The following ZBTB8A variants were observed in gnomAD, a reference collection of about 807,000 sequenced individuals.
ZBTB8A encodes zinc finger and BTB domain-containing protein 8A.
In ZBTB8A, 19 loss-of-function variants were observed where a neutral mutation model predicts 37.8. The observed-to-expected ratio is 0.50, with a 90% CI of 0.35 to 0.74. The LOEUF is 0.74. Among genes scored for constraint, ZBTB8A ranks in the 30% least tolerant of loss-of-function variants. The pLI, the probability that ZBTB8A is intolerant of heterozygous loss-of-function variation, is 0.01. For synonymous variants in ZBTB8A, 181 were observed against 185.2 expected, an observed-to-expected ratio of 0.98 and a Z score of 0.19; for missense variants, 394 against 537.8, an observed-to-expected ratio of 0.73 and a Z score of 2.65.
rs142361188 is a variant in ZBTB8A at position 32,549,136 on chromosome 1, C to T, written c.-83-4323C>T. On this transcript the variant is annotated intron_variant, in intron 1 of 4. Transcript: ENST00000373510. Reference sequence around the variant, plus strand: ...CCGGGAGGCAGAGGTTGCCATGAGCCGAGATCACGTCACTGCACTGCAACC... The same window carrying T: ...CCGGGAGGCAGAGGTTGCCATGAGCTGAGATCACGTCACTGCACTGCAACC... Among the ~76,000 whole-genome samples the T allele has an allele frequency of 8.5e-5, 13 of 152,134 alleles. No homozygotes were observed. In the East Asian group the frequency reaches 2.5e-3, roughly 29 times the overall value.
Position 32,572,814 on chromosome 1 carries a change from A to G in ZBTB8A, c.-2+19274A>G, listed in dbSNP as rs76123409. On this transcript the variant is annotated intron_variant, in intron 2 of 4. Coordinates refer to ENST00000373510, the MANE Select transcript of ZBTB8A (RefSeq NM_001040441.3). ...TCTTTTTATTCTTTCAATGTTTGTA[A>G]AATCTGTAGTGATGCTTCCCTCTTT... 5.0e-3 allele frequency among the ~76,000 whole-genome samples: 766 copies of G among 151,908 alleles called. 10 individuals carry two copies. Among genetic ancestry groups the G allele is most frequent in the East Asian group, 0.043 (224 of 5,186 alleles).
chr1:32,568,796 G>A (rs1644303934), intron 2 of ZBTB8A, among the ~76,000 whole-genome samples: 1 of 152,158 alleles, frequency 6.6e-6, no homozygotes. Context: ...ATCACTGCTT[G>A]TATCAGAAGT....
chr1:32,547,505 G>A (rs1268392357), intron 1 of ZBTB8A, among the ~76,000 whole-genome samples: 13 of 150,412 alleles, frequency 8.6e-5, no homozygotes, highest in African/African-American at 1.2e-4. Flanking sequence ...CTACAGGTTC[G>A]AGCCACTGTA....
chr1:32,564,547 C>G (rs1644265399), intron 2 of ZBTB8A, among the ~76,000 whole-genome samples: 1 of 152,134 alleles, frequency 6.6e-6, no homozygotes, highest in Admixed American at 6.6e-5. Context: ...TATAAATTCT[C>G]TATCCTCAGC....
At position 32,593,006 on chromosome 1, in the gene ZBTB8A, C is replaced by T; in HGVS notation, c.75C>T (p.Asp25=). The T allele has an allele frequency of 6.2e-7, 1 of 1,614,216 alleles. No individual in the cohort carries two copies. The highest frequency in any genetic ancestry group is 8.5e-7 in the Non-Finnish European group (1 of 1,180,048). ...AGCGCAGGCAAGATGTATTTTGTGA[C>T]TGCAGTATTCTAGTTGAAGGGAAGG... ...NEQRRQDVFC[D]CSILVEGKVF... is the part of the protein sequence containing the mutation. The change falls in exon 3 of 5, where the codon GAC becomes GAT. Residue 25 remains aspartate (D), a synonymous_variant. Coordinates refer to ENST00000373510, the MANE Select transcript of ZBTB8A (RefSeq NM_001040441.3).
At chr1:32,595,774 T>G (rs1239705342) in intron 4 of ZBTB8A, among the ~76,000 whole-genome samples, 1 of 151,882 alleles carries the variant, frequency 6.6e-6, no homozygotes, top group African/African-American at 2.4e-5. Context: ...CTCAGCCTCC[T>G]GAGTAGCTGG....
intron 2 of ZBTB8A, among the ~76,000 whole-genome samples, chr1:32,567,824 CA>C (rs377502273): frequency 0.27 from 11,088 of 41,314 alleles, 2,775 homozygotes; most frequent in African/African-American, 0.39. Flanking sequence ...AAAAAAAAAA[CA>C]AAAACAAAAC....
At chr1:32,558,460 C>A (rs1028354862) in intron 2 of ZBTB8A, among the ~76,000 whole-genome samples, 1 of 151,994 alleles carries the variant, frequency 6.6e-6, no homozygotes, top group African/African-American at 2.4e-5. Flanking sequence ...CACACACACA[C>A]ACACACACAC....
intron 2 of ZBTB8A, among the ~76,000 whole-genome samples, chr1:32,557,498 AGGCTAAAG>A (rs940896351): frequency 6.6e-6 from 1 of 152,144 alleles, no homozygotes; most frequent in African/African-American, 2.4e-5. Flanking sequence ...TCTGTCCCTG[AGGCTAAAG>A]GGCTAAAGGG....
At chr1:32,547,478 C>T (rs910008244) in intron 1 of ZBTB8A, among the ~76,000 whole-genome samples, 1 of 150,992 alleles carries the variant, frequency 6.6e-6, no homozygotes, top group Admixed American at 6.6e-5. Flanking sequence ...CTGCCTTAGC[C>T]TCCTGAGTAG....
At position 32,553,810 on chromosome 1, in the gene ZBTB8A, C is replaced by T. The variant is rs111371248; in HGVS notation, c.-2+270C>T. Among the ~76,000 whole-genome samples, 1,137 of 150,116 alleles carry T rather than the reference C, an allele frequency of 7.6e-3. 6 individuals carry two copies. The highest frequency in any genetic ancestry group is 0.011 in the Non-Finnish European group (765 of 67,772). The stretch of plus-strand genomic sequence containing the variant: ...CTGAGGCAGGAGAATTGCTTGAACC[C>T]GGGAGGTGGAGGTTGCGGTGAACCA... On this transcript the variant is annotated intron_variant, in intron 2 of 4. Coordinates refer to ENST00000373510, the MANE Select transcript of ZBTB8A (RefSeq NM_001040441.3).
rs1194114454 is a variant in ZBTB8A, at chr1:32,605,184, T to A, written c.*4765T>A. The stretch of plus-strand genomic sequence containing the variant: ...AAAAAAAAAAAAAGATGTGTTTAAC[T>A]GGGAAGGGTGATAATAATAGAATAA... On this transcript the variant is annotated 3_prime_UTR_variant, in exon 5 of 5. Transcript: ENST00000373510. 6.8e-6 allele frequency: 1 copy of A among 146,500 alleles called. No homozygotes were observed. The highest frequency in any genetic ancestry group is 2.0e-4 in the East Asian group (1 of 5,002). 9.1% of individuals were successfully genotyped at this position (146,500 alleles called of 1,614,324 possible). A position where few individuals can be genotyped will look rare whatever the true frequency, so the allele number is the denominator to read the frequency against.
rs1432794076 is a variant in ZBTB8A, at chr1:32,593,698, C to A, written c.767C>A (p.Thr256Asn). 4.3e-6 allele frequency: 7 copies of A among 1,614,116 alleles called. No homozygotes were observed. Among genetic ancestry groups the A allele is most frequent in the Non-Finnish European group, 5.9e-6 (7 of 1,180,010 alleles). The change falls in exon 3 of 5, where the codon ACT (threonine) becomes AAT (asparagine). Residue 256 changes from threonine (T) to asparagine (N), a missense_variant. Physicochemically the swap from Thr to Asn is moderately conservative, Grantham distance 65. This residue lies in a region of ZBTB8A where 171 missense variants were observed against 186.8 expected (regional missense o/e 0.92). Coordinates refer to ENST00000373510, the MANE Select transcript of ZBTB8A (RefSeq NM_001040441.3). The stretch of plus-strand genomic sequence containing the variant: ...CAGATTGATGCTGAAATGGACTCTA[C>A]TCCTGTTGGCTATCAGTACGGTCAA... ...QAQIDAEMDS[T>N]PVGYQYGQGS...
At chr1:32,567,825 A>AAAAAAACAAACAAAAAC (rs1644294123) in intron 2 of ZBTB8A, among the ~76,000 whole-genome samples, 1 of 63,676 alleles carries the variant, frequency 1.6e-5, no homozygotes, top group Non-Finnish European at 2.7e-5. Context: ...AAAAAAAAAC[A>AAAAAAACAAACAAAAAC]AAAACAAAAC....
At chr1:32,550,974 A>T (rs1278006572) in intron 1 of ZBTB8A, among the ~76,000 whole-genome samples, 1 of 151,444 alleles carries the variant, frequency 6.6e-6, no homozygotes, top group Non-Finnish European at 1.5e-5. Context: ...AAAAAAAAAA[A>T]GCCACAAATT....
At chr1:32,539,736 GGGA>G (rs1356227465) in intron 1 of ZBTB8A, among the ~76,000 whole-genome samples, 164 bp downstream of exon 1, 160 of 832 alleles carry the variant, frequency 0.19, 3 homozygotes, top group Middle Eastern at 0.25. Context: ...GGAGCGCGGC[GGGA>G]GGCGCCCGGG....
chr1:32,572,231 T>C (rs1053449756), intron 2 of ZBTB8A, among the ~76,000 whole-genome samples: 6 of 152,166 alleles, frequency 3.9e-5, no homozygotes, highest in Admixed American at 3.3e-4. Context: ...AGATGAGTAT[T>C]ATGTCTTTCT....
intron 1 of ZBTB8A, among the ~76,000 whole-genome samples, chr1:32,550,864 G>A (rs939006372): frequency 3.3e-5 from 5 of 149,590 alleles, no homozygotes; most frequent in African/African-American, 1.2e-4. Flanking sequence ...GGCTGAGGCA[G>A]GAGAATCGCT....
intron 1 of ZBTB8A, among the ~76,000 whole-genome samples, chr1:32,548,399 A>G (rs961679131): frequency 6.6e-5 from 10 of 151,598 alleles, no homozygotes; most frequent in African/African-American, 1.7e-4. Context: ...GAGTGGTGCA[A>G]TCTCGGCTCA....
Sources: allele counts gnomAD v4.1 joint callset (sites outside exome capture counted in the v4.1 genomes callset), GRCh38; gene constraint gnomAD v4.1.1; regional missense constraint gnomAD v4.1.1; transcripts MANE v1.5; gene names NCBI Gene and HGNC (gene_info 2026-07-23, HGNC 2026-07-21).